MYNN: variants seen among roughly 807,000 people sequenced by gnomAD.
MYNN encodes myoneurin.
MYNN carries 22 observed loss-of-function variants against 57.2 expected under a neutral mutation model. The observed-to-expected ratio is 0.38, with a 90% CI of 0.27 to 0.55. The LOEUF (loss-of-function observed/expected upper bound fraction) is 0.55. Among genes scored for constraint, MYNN ranks in the 20% least tolerant of loss-of-function variants. The pLI is 0.71. For synonymous variants in MYNN, 241 were observed against 257.1 expected (o/e 0.94, Z 0.60); for missense variants, 566 against 723.1 (o/e 0.78, Z 2.49).
intron 3 of MYNN, chr3:169,779,838 C>A: frequency 2.5e-6 from 1 of 402,612 alleles, no homozygotes; most frequent in Non-Finnish European, 4.4e-6. Context: ...GAGACAAAGA[C>A]ATTAAAACTG....
In MYNN at chr3:169,784,641, C is replaced by A. The variant is rs776032547; in HGVS notation, c.1503C>A (p.Cys501Ter). The A allele has an allele frequency of 1.3e-6, 2 of 1,568,084 alleles. No individual in the cohort carries two copies. Among genetic ancestry groups the A allele is most frequent in the Non-Finnish European group, 1.7e-6 (2 of 1,157,414 alleles). ...TTTCAGGAGAAAGACCATTTATCTG[C>A]GAATTATGTGGAAATTCTTACACAG... ...RSHTGERPFI[C>*]ELCGNSYTDI... Residue 501 changes from cysteine (C) to a stop codon, truncating the protein, a stop_gained, in exon 7 of 8, where the codon TGC (cysteine) becomes TGA (stop). Coordinates refer to ENST00000349841, the MANE Select transcript of MYNN (RefSeq NM_018657.5). LOFTEE classifies it high-confidence loss of function.
Position 169,782,888 on chromosome 3 carries a change from A to G in MYNN, c.1399+245A>G, listed in dbSNP as rs1778561994. On this transcript the variant is annotated intron_variant, in intron 5 of 7. Transcript: ENST00000349841. The surrounding 1 kb of genome is among the most constrained non-coding windows in gnomAD (Gnocchi z 4.8). ...CATTAAAATCAGTGAGATAATTTTG[A>G]TATTATATAAACTTGCATTGAGATG... 2.0e-5 allele frequency among the ~76,000 whole-genome samples: 3 copies of G among 152,158 alleles called. No individual in the cohort carries two copies. Among genetic ancestry groups the G allele is most frequent in the South Asian group, 4.1e-4 (2 of 4,836 alleles).
chr3:169,786,486 T>A lies in MYNN; in HGVS notation c.1641T>A (p.Ser547Arg), dbSNP rs1778682639. The change falls in exon 8 of 8, where the codon AGT (serine) becomes AGA (arginine). Residue 547 changes from serine to arginine, a missense_variant. Transcript: ENST00000349841. ...GTGAACAGGATTCCATACAAAAAAG[T>A]CCTTTATCAGAAACTATGGATGTGA... Reference protein sequence around the residue: ...TLSEQDSIQKSPLSETMDVKP... With the variant: ...TLSEQDSIQKRPLSETMDVKP... The A allele has an allele frequency of 2.1e-5, 34 of 1,613,594 alleles. No individual in the cohort carries two copies. Among genetic ancestry groups the A allele is most frequent in the Non-Finnish European group, 2.9e-5 (34 of 1,179,600 alleles).
intron 5 of MYNN, 74 bp from the exon 6 acceptor site, chr3:169,783,398 CTTACT>C (rs1778574802): frequency 3.8e-6 from 3 of 796,094 alleles, no homozygotes; most frequent in Non-Finnish European, 6.1e-6. Context: ...TCCAGAAAAG[CTTACT>C]TTAGATTATT....
intron 7 of MYNN, among the ~76,000 whole-genome samples, chr3:169,785,876 A>G (rs1267292983): frequency 1.3e-5 from 2 of 152,092 alleles, no homozygotes; most frequent in African/African-American, 4.8e-5. Context: ...CCTTGAGTAG[A>G]GCAGAATTTC....
chr3:169,786,277 T>C (rs1407539961), intron 7 of MYNN, 139 bp from the exon 8 acceptor site: 17 of 717,984 alleles, frequency 2.4e-5, no homozygotes, highest in East Asian at 1.3e-4. Context: ...GAGGAGGGCA[T>C]ATGTACAAAA....
At chr3:169,775,650 C>T (rs992242452) in intron 2 of MYNN, among the ~76,000 whole-genome samples, 9 of 151,942 alleles carry the variant, frequency 5.9e-5, no homozygotes, top group African/African-American at 2.2e-4. Context: ...TTCTTCTTTA[C>T]CCTCTCCTCC....
chr3:169,781,532 G>T (rs1275618996), intron 4 of MYNN, among the ~76,000 whole-genome samples: 3 of 152,196 alleles, frequency 2.0e-5, no homozygotes, highest in Admixed American at 6.5e-5. Flanking sequence ...GTGGACAGAA[G>T]AAATCAAAAG....
At position 169,786,764 on chromosome 3, in the gene MYNN, CATTT is replaced by C. The variant is rs1778691247; in HGVS notation, c.*87_*90del. The C allele has an allele frequency of 2.2e-5, 30 of 1,341,432 alleles. No homozygotes were observed. Among genetic ancestry groups the C allele is most frequent in the Non-Finnish European group, 2.8e-5 (27 of 977,764 alleles). The allele number at this position is 1,341,432 out of a possible 1,614,324, so 83.1% of individuals were successfully genotyped here. A position where few individuals can be genotyped will look rare whatever the true frequency, so the allele number is the denominator to read the frequency against. On this transcript the variant is annotated 3_prime_UTR_variant, in exon 8 of 8. Coordinates refer to ENST00000349841, the MANE Select transcript of MYNN (RefSeq NM_018657.5). Reference sequence around the variant, plus strand: ...CATATATTCATATTAAATTCCCATTCATTTGAGTTGTGACCATTATTTTTCATTC... The same window carrying C: ...CATATATTCATATTAAATTCCCATTCGAGTTGTGACCATTATTTTTCATTC...
intron 6 of MYNN, 141 bp from the exon 7 acceptor site, chr3:169,784,480 TA>T: frequency 1.7e-6 from 1 of 585,842 alleles, no homozygotes; most frequent in Non-Finnish European, 3.0e-6. Context: ...CACTATATTA[TA>T]ACCAGGTGAT....
At chr3:169,775,422 A>G (rs1291432617) in intron 2 of MYNN, among the ~76,000 whole-genome samples, 9 of 152,198 alleles carry the variant, frequency 5.9e-5, no homozygotes, top group Admixed American at 5.9e-4. Flanking sequence ...ATGAAAGTGA[A>G]CATGAATAGA....
At position 169,787,340 on chromosome 3, in the gene MYNN, TTA is replaced by T. The variant is rs1432248088; in HGVS notation, c.*664_*665del. ...CAATGGTCAGCACTTTTGGTTTGAGTTATCTGAGATTGTATTTTCAAAATGAA... is the reference window on the plus strand; with the variant it reads ...CAATGGTCAGCACTTTTGGTTTGAGTTCTGAGATTGTATTTTCAAAATGAA... On this transcript the variant is annotated 3_prime_UTR_variant, in exon 8 of 8. Transcript: ENST00000349841. 6.6e-6 allele frequency: 1 copy of T among 152,118 alleles called. No homozygotes were observed. The highest frequency in any genetic ancestry group is 2.4e-5 in the African/African-American group (1 of 41,460). 9.4% of individuals were successfully genotyped at this position (152,118 alleles called of 1,614,324 possible).
At chr3:169,780,904 G>A (rs1185032646) in intron 4 of MYNN, among the ~76,000 whole-genome samples, 155 bp downstream of exon 4, 1 of 152,204 alleles carries the variant, frequency 6.6e-6, no homozygotes, top group Non-Finnish European at 1.5e-5. Context: ...AAGCCACAGT[G>A]GTTGATAGGA....
In MYNN at chr3:169,782,699, G is replaced by C. The variant is rs3772190; in HGVS notation, c.1399+56G>C. The C allele has an allele frequency of 2.1e-6, 3 of 1,457,010 alleles. No homozygotes were observed. The highest frequency in any genetic ancestry group is 2.6e-5 in the South Asian group (2 of 76,914). 90.3% of individuals were successfully genotyped at this position (1,457,010 alleles called of 1,614,324 possible). A position where few individuals can be genotyped will look rare whatever the true frequency, so the allele number is the denominator to read the frequency against. ...TAAAGTTATAAATAAAAGAAAAAGG[G>C]GACTTGGGCCTTTTAGCGAAGTAGA... On this transcript the variant is annotated intron_variant, in intron 5 of 7. Coordinates refer to ENST00000349841, the MANE Select transcript of MYNN (RefSeq NM_018657.5). The surrounding 1 kb of genome is among the most constrained non-coding windows in gnomAD (Gnocchi z 4.8).
In MYNN at chr3:169,786,702, T is replaced by C. The variant is rs765112279; in HGVS notation, c.*24T>C. 3.1e-6 allele frequency: 5 copies of C among 1,600,334 alleles called. No individual in the cohort carries two copies. The African/African-American group carries it at 6.7e-5, about 21-fold the overall frequency. ...GACTTTGTAAGGAATATGGAATTGC[T>C]AAGATATCATTGGTAGCAAACATCT... On this transcript the variant is annotated 3_prime_UTR_variant, in exon 8 of 8. Transcript: ENST00000349841.
chr3:169,781,613 G>A (rs1778519648), intron 4 of MYNN, among the ~76,000 whole-genome samples: 1 of 152,162 alleles, frequency 6.6e-6, no homozygotes, highest in African/African-American at 2.4e-5. Context: ...AACTAGGAAG[G>A]AGCAGCCAGT....
Position 169,783,829 on chromosome 3 carries a change from AC to A in MYNN, c.1483+270del, listed in dbSNP as rs1474516493. 3 of 502,256 alleles carry A rather than the reference AC, an allele frequency of 6.0e-6. No homozygotes were observed. The East Asian group carries it at 1.4e-4, about 24-fold the overall frequency. 31.1% of individuals were successfully genotyped at this position (502,256 alleles called of 1,614,324 possible). A position where few individuals can be genotyped will look rare whatever the true frequency, so the allele number is the denominator to read the frequency against. On this transcript the variant is annotated intron_variant, in intron 6 of 7. Coordinates refer to ENST00000349841, the MANE Select transcript of MYNN (RefSeq NM_018657.5). Reference sequence around the variant, plus strand: ...TTTTAAATGATTTGGATTAAATTGCACAGATATACCAAGAAATGAAAAGGAA... The same window carrying A: ...TTTTAAATGATTTGGATTAAATTGCAAGATATACCAAGAAATGAAAAGGAA...
At chr3:169,781,827 GA>G (rs536918510) in intron 4 of MYNN, among the ~76,000 whole-genome samples, 113 of 152,184 alleles carry the variant, frequency 7.4e-4, no homozygotes, top group African/African-American at 2.5e-3. Flanking sequence ...GAAGTAGATA[GA>G]ACACTTGGAG....
intron 7 of MYNN, among the ~76,000 whole-genome samples, chr3:169,785,071 G>GC (rs926614326): frequency 1.5e-5 from 1 of 68,368 alleles, no homozygotes; most frequent in Non-Finnish European, 2.8e-5. Flanking sequence ...TGAAAAAAAA[G>GC]GGGGGGGGGG....
Sources: gnomAD v4.1 joint callset for allele counts (sites outside exome capture counted in the v4.1 genomes callset) on GRCh38, gnomAD v4.1.1 for gene constraint, Gnocchi (gnomAD v3.1) non-coding constraint, MANE v1.5 for transcripts, NCBI Gene and HGNC (gene_info 2026-07-23, HGNC 2026-07-21) for gene names.